Variants in CPEB3 observed in about 807,000 individuals in gnomAD.
The protein encoded by CPEB3 is cytoplasmic polyadenylation element binding protein 3.
CPEB3 carries 20 observed loss-of-function variants against 67.2 expected under a neutral mutation model. The observed-to-expected ratio is 0.30, with a 90% CI of 0.21 to 0.43. The LOEUF (loss-of-function observed/expected upper bound fraction) is 0.43. Ranked by LOEUF, CPEB3 falls within the 20% of genes least tolerant of loss-of-function variation. The probability of loss-of-function intolerance (pLI) is 1.00; values close to 1 mark genes in which losing one functional copy is unlikely to be tolerated. For missense variants in CPEB3, 746 were observed against 968.6 expected (o/e 0.77, Z 3.05); for synonymous variants, 376 against 393.1 (o/e 0.96, Z 0.51).
Position 92,249,979 on chromosome 10 carries a change from A to G in CPEB3, c.-11-9618T>C, listed in dbSNP as rs538351156. On this transcript the variant is annotated intron_variant, in intron 1 of 9. Coordinates refer to ENST00000265997, the MANE Select transcript of CPEB3 (RefSeq NM_014912.5). ...GGAGGTTGCAGTGAGCCCAGATCAC[A>G]CCACTGCACTCCAGCCTGGACAACA... Among the ~76,000 whole-genome samples the G allele has an allele frequency of 6.8e-4, 102 of 151,100 alleles. 1 individual carries two copies. The highest frequency in any genetic ancestry group is 5.9e-5 in the Non-Finnish European group (4 of 67,754).
At chr10:92,161,463 C>T (rs1590270905) in intron 4 of CPEB3, among the ~76,000 whole-genome samples, 2 of 151,806 alleles carry the variant, frequency 1.3e-5, no homozygotes, top group Admixed American at 1.3e-4. Flanking sequence ...AGTAGAGACA[C>T]GATTTCACCA....
At chr10:92,081,530 G>A (rs753685916) in intron 8 of CPEB3, 29 bp from the exon 9 acceptor site, 3 of 1,588,100 alleles carry the variant, frequency 1.9e-6, no homozygotes, top group East Asian at 2.2e-5. Context: ...ACATGGATGT[G>A]TATAAATATC....
intron 6 of CPEB3, among the ~76,000 whole-genome samples, chr10:92,115,045 G>A (rs1564791403): frequency 6.6e-6 from 1 of 152,310 alleles, no homozygotes; most frequent in Middle Eastern, 3.4e-3. Flanking sequence ...TCTCCGCCCC[G>A]GCGGCCGCGG....
chr10:92,200,900 C>T (rs1241891853), intron 2 of CPEB3, among the ~76,000 whole-genome samples: 1 of 152,146 alleles, frequency 6.6e-6, no homozygotes, highest in Non-Finnish European at 1.5e-5. Context: ...CACAGAGAAA[C>T]ATGGCTCTCG....
At chr10:92,112,985 A>C (rs1844826875) in intron 6 of CPEB3, among the ~76,000 whole-genome samples, 2 of 152,232 alleles carry the variant, frequency 1.3e-5, no homozygotes, top group South Asian at 4.1e-4. Context: ...GATAATGGCT[A>C]TTCGTTTTTA....
At chr10:92,177,106 T>C (rs1848253877) in intron 4 of CPEB3, among the ~76,000 whole-genome samples, 2 of 152,196 alleles carry the variant, frequency 1.3e-5, no homozygotes, top group Non-Finnish European at 2.9e-5. Flanking sequence ...AAGCTACTAT[T>C]AGTATTAGAA....
At chr10:92,169,267 T>C (rs571370377) in intron 4 of CPEB3, among the ~76,000 whole-genome samples, 2 of 150,384 alleles carry the variant, frequency 1.3e-5, no homozygotes, top group East Asian at 4.0e-4. Context: ...GCCTCCCAAG[T>C]AGCTGGGATT....
At position 92,216,245 on chromosome 10, in the gene CPEB3, G is replaced by A. The variant is rs1009777944; in HGVS notation, c.1005+23101C>T. On this transcript the variant is annotated intron_variant, in intron 2 of 9. Coordinates refer to ENST00000265997, the MANE Select transcript of CPEB3 (RefSeq NM_014912.5). The stretch of plus-strand genomic sequence containing the variant: ...AAGGTCAAGAGATCAAGATCATACT[G>A]GCCAACATGGTGAAACCCCATCTCT... The A allele has an allele frequency of 5.0e-6, 6 of 1,195,872 alleles. No individual in the cohort carries two copies. In the African/African-American group the frequency reaches 7.7e-5, roughly 15 times the overall value. The allele number at this position is 1,195,872 out of a possible 1,614,324, so 74.1% of individuals were successfully genotyped here.
rs930445247 is a variant in CPEB3, at chr10:92,118,951, T to C, written c.1454-7757A>G. ...TACTCCCTGGGAACTTTGAGTCTTA[T>C]TTGGAGCTGGTGAAGTCCCTGTGTC... On this transcript the variant is annotated intron_variant, in intron 6 of 9. Transcript: ENST00000265997. 27 of 1,341,216 alleles carry C rather than the reference T, an allele frequency of 2.0e-5. No individual in the cohort carries two copies. In the African/African-American group the frequency reaches 3.1e-4, roughly 15 times the overall value. 83.1% of individuals were successfully genotyped at this position (1,341,216 alleles called of 1,614,324 possible).
chr10:92,057,475 C>T (rs1018490355), intron 9 of CPEB3, among the ~76,000 whole-genome samples: 1 of 152,240 alleles, frequency 6.6e-6, no homozygotes, highest in Non-Finnish European at 1.5e-5. Flanking sequence ...CACTTAAGTA[C>T]ATGATGCCCG....
At chr10:92,165,243 T>G (rs2133978138) in intron 4 of CPEB3, among the ~76,000 whole-genome samples, 1 of 152,198 alleles carries the variant, frequency 6.6e-6, no homozygotes, top group Non-Finnish European at 1.5e-5. Context: ...GGCCAGGAGC[T>G]GAGTGCTACA....
intron 1 of CPEB3, among the ~76,000 whole-genome samples, chr10:92,265,932 C>T (rs891284843): frequency 6.6e-6 from 1 of 151,484 alleles, no homozygotes; most frequent in African/African-American, 2.4e-5. Context: ...TGGGCTCTGC[C>T]CTCATGAATG....
intron 6 of CPEB3, among the ~76,000 whole-genome samples, chr10:92,116,943 C>T (rs995784384): frequency 1.3e-5 from 2 of 152,138 alleles, no homozygotes; most frequent in Non-Finnish European, 2.9e-5. Context: ...AAAAGGAACA[C>T]CAAGGTTTGG....
chr10:92,194,957 T>C (rs943497215), intron 2 of CPEB3, among the ~76,000 whole-genome samples: 6 of 151,412 alleles, frequency 4.0e-5, no homozygotes, highest in African/African-American at 1.5e-4. Flanking sequence ...GGCAGGAGAA[T>C]GGCGTGAACC....
chr10:92,281,185 T>G (rs1001403053), intron 1 of CPEB3, among the ~76,000 whole-genome samples: 10 of 151,492 alleles, frequency 6.6e-5, no homozygotes, highest in Non-Finnish European at 1.5e-4. Flanking sequence ...AATAATTTTT[T>G]GGGGAAGAAA....
chr10:92,193,081 G>A (rs959376877), intron 2 of CPEB3, among the ~76,000 whole-genome samples: 2 of 152,074 alleles, frequency 1.3e-5, no homozygotes, highest in Non-Finnish European at 2.9e-5. Context: ...GTATGGTGGT[G>A]TGCACCTGTA....
At chr10:92,236,619 G>A (rs573574843) in intron 2 of CPEB3, among the ~76,000 whole-genome samples, 2 of 151,984 alleles carry the variant, frequency 1.3e-5, no homozygotes, top group Admixed American at 6.6e-5. Context: ...CGTGGTGGCG[G>A]ACGCCTGTAA....
chr10:92,076,707 C>T (rs1842947316), intron 9 of CPEB3, among the ~76,000 whole-genome samples: 1 of 151,868 alleles, frequency 6.6e-6, no homozygotes, highest in Non-Finnish European at 1.5e-5. Context: ...AGCCACTGTG[C>T]CTGGCCTACT....
At chr10:92,110,495 C>G (rs1459073440) in intron 7 of CPEB3, among the ~76,000 whole-genome samples, 1 of 152,222 alleles carries the variant, frequency 6.6e-6, no homozygotes, top group Non-Finnish European at 1.5e-5. Context: ...CAGTGACTTA[C>G]TCATTCATAC....
Sources: allele counts gnomAD v4.1 joint callset (sites outside exome capture counted in the v4.1 genomes callset), GRCh38; gene constraint gnomAD v4.1.1; transcripts MANE v1.5; gene names NCBI Gene and HGNC (gene_info 2026-07-23, HGNC 2026-07-21).